HMBOX1: variants seen among roughly 807,000 people sequenced by gnomAD.
HMBOX1 encodes homeobox-containing protein 1.
In HMBOX1, 14 loss-of-function variants were observed where a neutral mutation model predicts 54.5. The ratio of observed to expected loss-of-function variants is 0.26; its 90% confidence interval spans 0.17 to 0.40. The LOEUF (loss-of-function observed/expected upper bound fraction) is 0.40, where lower values mean the gene tolerates loss of function less well. HMBOX1 is among the 10% of genes least tolerant of loss of function. The probability of loss-of-function intolerance (pLI) is 1.00; values close to 1 mark genes in which losing one functional copy is unlikely to be tolerated. For synonymous variants in HMBOX1, 160 were observed against 181.0 expected (o/e 0.88, Z 0.93); for missense variants, 332 against 514.4 (o/e 0.65, Z 3.43).
Position 28,970,714 on chromosome 8 carries a change from C to T in HMBOX1, c.500+195C>T. ...GCTTTATGTTTTTAATTTAAATTTT[C>T]TCTTCTTTACTTCAGCCCTTTCTCT... On this transcript the variant is annotated intron_variant, in intron 3 of 9. Transcript: ENST00000287701. This position sits in a 1 kb window ranked among gnomAD's most constrained non-coding sequence, Gnocchi z 4.3. The T allele has an allele frequency of 4.1e-6, 2 of 486,678 alleles. No individual in the cohort carries two copies. The highest frequency in any genetic ancestry group is 3.6e-6 in the Non-Finnish European group (1 of 278,498). The allele number at this position is 486,678 out of a possible 1,614,324, so 30.1% of individuals were successfully genotyped here.
chr8:29,050,075 C>A, intron 9 of HMBOX1: 1 of 189,156 alleles, frequency 5.3e-6, no homozygotes, highest in Non-Finnish European at 9.8e-6. Context: ...AGAGAATATT[C>A]TGTAAGTCTT....
At position 29,051,190 on chromosome 8, in the gene HMBOX1, T is replaced by G. The variant is rs779180816; in HGVS notation, c.*35T>G. 2 of 1,610,062 alleles carry G rather than the reference T, an allele frequency of 1.2e-6. No homozygotes were observed. The highest frequency in any genetic ancestry group is 1.7e-6 in the Non-Finnish European group (2 of 1,178,076). ...TTAAACATGACAAGTTAACTTAGTTTAGACGTAGCACCTTAGCAGACTTTC... is the reference window on the plus strand; with the variant it reads ...TTAAACATGACAAGTTAACTTAGTTGAGACGTAGCACCTTAGCAGACTTTC... On this transcript the variant is annotated 3_prime_UTR_variant, in exon 10 of 10. Transcript: ENST00000287701.
intron 6 of HMBOX1, among the ~76,000 whole-genome samples, chr8:29,026,569 A>T (rs990113938): frequency 6.6e-6 from 1 of 152,204 alleles, no homozygotes; most frequent in African/African-American, 2.4e-5. Flanking sequence ...GTGCACTGTT[A>T]GAAGCTTCAC....
At chr8:28,963,272 C>T (rs1452611153) in intron 1 of HMBOX1, among the ~76,000 whole-genome samples, 1 of 152,204 alleles carries the variant, frequency 6.6e-6, no homozygotes, top group African/African-American at 2.4e-5. Flanking sequence ...GCATGAGCCA[C>T]CACGCCTGGC....
rs34952149 is a variant in HMBOX1 at position 28,927,831 on chromosome 8, CAA to C, written c.-57-35957_-57-35956del. ...GGGCAACAAAAGCGAAACTCAGTCT[CAA>C]AAAAAAAAAAAAAAAAAAAAAAGCC... On this transcript the variant is annotated intron_variant, in intron 1 of 9. Transcript: ENST00000287701. Among the ~76,000 whole-genome samples the C allele has an allele frequency of 6.9e-3, 365 of 52,720 alleles. 3 individuals are homozygous for C. The highest frequency in any genetic ancestry group is 0.027 in the African/African-American group (321 of 12,026). 34.6% of individuals were successfully genotyped at this position (52,720 alleles called of 152,430 possible).
At chr8:28,980,004 C>A in intron 3 of HMBOX1, 67 bp from the exon 4 acceptor site, 1 of 1,224,540 alleles carries the variant, frequency 8.2e-7, no homozygotes, top group Non-Finnish European at 1.2e-6. Flanking sequence ...CTTCACCTTT[C>A]TTTTAGCAAA....
At chr8:29,001,866 C>A (rs891424371) in intron 4 of HMBOX1, among the ~76,000 whole-genome samples, 2 of 152,156 alleles carry the variant, frequency 1.3e-5, no homozygotes, top group African/African-American at 4.8e-5. Flanking sequence ...GAGTGTACAG[C>A]TGTGGCAACT....
chr8:28,960,416 T>C (rs1825251595), intron 1 of HMBOX1, among the ~76,000 whole-genome samples: 1 of 151,974 alleles, frequency 6.6e-6, no homozygotes, highest in Non-Finnish European at 1.5e-5. Context: ...TATATGAAAT[T>C]AAACCTTTTG....
At chr8:28,996,344 T>C (rs746346016) in intron 4 of HMBOX1, among the ~76,000 whole-genome samples, 2 of 152,186 alleles carry the variant, frequency 1.3e-5, no homozygotes, top group African/African-American at 4.8e-5. Flanking sequence ...TTATATCTGA[T>C]AAATCGCTTA....
intron 1 of HMBOX1, among the ~76,000 whole-genome samples, chr8:28,948,572 C>CT (rs1330049410): frequency 1.9e-4 from 29 of 152,288 alleles, no homozygotes. Flanking sequence ...ATTCTGAACT[C>CT]TTAACAAAAC....
chr8:28,976,748 C>T (rs1828468156), intron 3 of HMBOX1, among the ~76,000 whole-genome samples: 2 of 149,122 alleles, frequency 1.3e-5, no homozygotes, highest in African/African-American at 5.0e-5. Flanking sequence ...ACTTTGTCAC[C>T]CAGGTTGGAG....
intron 1 of HMBOX1, among the ~76,000 whole-genome samples, chr8:28,915,421 G>T (rs1349743879): frequency 6.6e-6 from 1 of 151,792 alleles, no homozygotes; most frequent in Non-Finnish European, 1.5e-5. Flanking sequence ...GCCGGGCATG[G>T]TGGCAGGTGC....
rs140703432 is a variant in HMBOX1 at position 29,002,863 on chromosome 8, A to G, written c.587-6209A>G. Among the ~76,000 whole-genome samples, 1,433 of 152,212 alleles carry G rather than the reference A, an allele frequency of 9.4e-3. 18 individuals are homozygous for G. Among genetic ancestry groups the G allele is most frequent in the South Asian group, 0.06 (288 of 4,822 alleles). Reference sequence around the variant, plus strand: ...TCTTGGAATTAGTGTATTTATTTCTAAGGGGTGAGAATTTGGGTGTGTGGT... The same window carrying G: ...TCTTGGAATTAGTGTATTTATTTCTGAGGGGTGAGAATTTGGGTGTGTGGT... On this transcript the variant is annotated intron_variant, in intron 4 of 9. Coordinates refer to ENST00000287701, the MANE Select transcript of HMBOX1 (RefSeq NM_001135726.3).
chr8:28,907,648 G>A (rs1195863845), intron 1 of HMBOX1, among the ~76,000 whole-genome samples: 1 of 152,064 alleles, frequency 6.6e-6, no homozygotes, highest in Non-Finnish European at 1.5e-5. Flanking sequence ...ATGTCTGTGG[G>A]ATCCTAGATG....
At chr8:29,041,695 G>A (rs1179331435) in intron 6 of HMBOX1, among the ~76,000 whole-genome samples, 9 of 152,032 alleles carry the variant, frequency 5.9e-5, no homozygotes, top group South Asian at 4.1e-4. Flanking sequence ...GGTGGGGGAG[G>A]CAAAAAGCTG....
At chr8:28,946,761 C>T (rs1378224684) in intron 1 of HMBOX1, among the ~76,000 whole-genome samples, 1 of 152,100 alleles carries the variant, frequency 6.6e-6, no homozygotes, top group Non-Finnish European at 1.5e-5. Context: ...GAGGTCTTGC[C>T]ACCTGTAGTT....
chr8:28,945,022 C>T (rs1335659596), intron 1 of HMBOX1, among the ~76,000 whole-genome samples: 3 of 152,232 alleles, frequency 2.0e-5, no homozygotes, highest in Non-Finnish European at 4.4e-5. Flanking sequence ...GCAAACTCCC[C>T]CACTCAAAAG....
intron 1 of HMBOX1, among the ~76,000 whole-genome samples, chr8:28,934,430 A>G (rs921718975): frequency 6.6e-6 from 1 of 152,206 alleles, no homozygotes; most frequent in Non-Finnish European, 1.5e-5. Flanking sequence ...TGCAGGTACT[A>G]CTGCTATTCA....
intron 2 of HMBOX1, among the ~76,000 whole-genome samples, chr8:28,967,334 T>C (rs1207143965): frequency 6.6e-6 from 1 of 152,230 alleles, no homozygotes; most frequent in African/African-American, 2.4e-5. Flanking sequence ...ATAAAAGTGG[T>C]TCTAATAGTC....
Sources: gnomAD v4.1 joint callset for allele counts (sites outside exome capture counted in the v4.1 genomes callset) on GRCh38, gnomAD v4.1.1 for gene constraint, Gnocchi (gnomAD v3.1) non-coding constraint, MANE v1.5 for transcripts, NCBI Gene and HGNC (gene_info 2026-07-23, HGNC 2026-07-21) for gene names.